Variants in MAP3K19 observed in about 807,000 individuals in gnomAD.
MAP3K19 encodes the protein mitogen-activated protein kinase kinase kinase 19, also known as SPS1/STE20-related protein kinase YSK4.
A neutral mutation model predicts 114.4 loss-of-function variants in MAP3K19; 91 were observed. The observed-to-expected ratio is 0.80, with a 90% confidence interval of 0.67 to 0.95. The LOEUF (loss-of-function observed/expected upper bound fraction) is 0.95, where lower values mean the gene tolerates loss of function less well. Ranked by LOEUF, MAP3K19 falls within the 40% of genes least tolerant of loss-of-function variation. The pLI is 0.00. For missense variants in MAP3K19, 1,471 were observed against 1,573.2 expected, an observed-to-expected ratio of 0.94 and a Z score of 1.10; for synonymous variants, 518 against 530.5, an observed-to-expected ratio of 0.98 and a Z score of 0.32.
At chr2:135,003,846 GC>G (rs1296519275) in intron 6 of MAP3K19, among the ~76,000 whole-genome samples, 1 of 152,170 alleles carries the variant, frequency 6.6e-6, no homozygotes, top group Non-Finnish European at 1.5e-5. Context: ...GAGCCACAGT[GC>G]CCGGTCCATT....
intron 8 of MAP3K19, among the ~76,000 whole-genome samples, chr2:134,997,092 G>C (rs1341469494): frequency 6.6e-6 from 1 of 152,006 alleles, no homozygotes; most frequent in Admixed American, 6.6e-5. Context: ...ACAAAAAAAC[G>C]CTATCAAGAT....
Position 134,981,131 on chromosome 2 carries a change from C to T in MAP3K19, c.3610G>A (p.Asp1204Asn), listed in dbSNP as rs752863370. 10 of 1,614,066 alleles carry T rather than the reference C, an allele frequency of 6.2e-6. No homozygotes were observed. Among genetic ancestry groups the T allele is most frequent in the African/African-American group, 1.3e-5 (1 of 74,946 alleles). Residue 1204 changes from aspartate (D) to asparagine (N), a missense_variant, in exon 12 of 13, where the codon GAC (aspartate) becomes AAC (asparagine). Asp to Asn is a conservative substitution (Grantham distance 23). Coordinates refer to ENST00000392915, the MANE Select transcript of MAP3K19 (RefSeq NM_025052.5). The stretch of plus-strand genomic sequence containing the variant: ...GCCAAACGCCTGGCACAGCCAAAGT[C>T]AATCAGCTTTATTATTCCAGTTGGC... Reference protein sequence around the residue: ...LMPTGIIKLIDFGCARRLAWA... With the variant: ...LMPTGIIKLINFGCARRLAWA...
At position 134,986,205 on chromosome 2, in the gene MAP3K19, A is replaced by G. The variant is rs55950034; in HGVS notation, c.2667T>C (p.Asn889=). 606 of 1,613,784 alleles carry G rather than the reference A, an allele frequency of 3.8e-4. No individual in the cohort carries two copies. The highest frequency in any genetic ancestry group is 4.7e-4 in the Non-Finnish European group (551 of 1,179,948). ...SKVNASRILT[N]DLEFDSVSDH... is the part of the protein sequence containing the mutation. ...CTGAAACACTATCAAACTCTAGATC[A>G]TTAGTTAAAATTCGGCTGGCATTTA... The change falls in exon 10 of 13, where the codon AAT becomes AAC. Residue 889 remains asparagine (N), a synonymous_variant. Transcript: ENST00000392915.
chr2:134,998,707 G>C, intron 8 of MAP3K19, 31 bp downstream of exon 8: 6 of 1,571,082 alleles, frequency 3.8e-6, no homozygotes, highest in Non-Finnish European at 5.2e-6. Flanking sequence ...TGACCAAAAG[G>C]ACTCACTGTG....
chr2:134,988,769 G>A (rs1417423020), intron 9 of MAP3K19, among the ~76,000 whole-genome samples: 1 of 151,904 alleles, frequency 6.6e-6, no homozygotes, highest in Non-Finnish European at 1.5e-5. Flanking sequence ...TTTAAAACCA[G>A]GATTATTATA....
rs962271431 is a variant in MAP3K19 at position 134,986,597 on chromosome 2, C to T, written c.2275G>A (p.Gly759Ser). 7 of 1,614,052 alleles carry T rather than the reference C, an allele frequency of 4.3e-6. No individual in the cohort carries two copies. The South Asian group carries it at 7.7e-5, about 18-fold the overall frequency. The change falls in exon 10 of 13, where the codon GGT becomes AGT. Residue 759 changes from glycine (G) to serine (S), a missense_variant. By Grantham distance (56) the Gly-to-Ser change is moderately conservative (BLOSUM62 0). Coordinates refer to ENST00000392915, the MANE Select transcript of MAP3K19 (RefSeq NM_025052.5). ...CAGTCTGGTTCTGAAATACCATCACCATTTTCAATGTCATGTAGGTTGCTA... is the reference window on the plus strand; with the variant it reads ...CAGTCTGGTTCTGAAATACCATCACTATTTTCAATGTCATGTAGGTTGCTA... The part of the protein sequence containing the change: ...VHSNLHDIEN[G>S]DGISEPDWQI...
Position 135,023,387 on chromosome 2 carries a change from A to C in MAP3K19, c.22+1239T>G, listed in dbSNP as rs546360441. The C allele has an allele frequency of 1.6e-4, 86 of 522,940 alleles. 1 individual carries two copies. Among genetic ancestry groups the C allele is most frequent in the Admixed American group, 1.2e-3 (61 of 49,458 alleles). 32.4% of individuals were successfully genotyped at this position (522,940 alleles called of 1,614,324 possible). Reference sequence around the variant, plus strand: ...CCTCTGCAATTTTCTCACTCTCATCAGTCCCTCAATGACCTCACCCACCAT... The same window carrying C: ...CCTCTGCAATTTTCTCACTCTCATCCGTCCCTCAATGACCTCACCCACCAT... On this transcript the variant is annotated intron_variant, in intron 4 of 12. Coordinates refer to ENST00000392915, the MANE Select transcript of MAP3K19 (RefSeq NM_025052.5).
chr2:135,008,185 C>A (rs948757851), intron 5 of MAP3K19, among the ~76,000 whole-genome samples: 11 of 151,094 alleles, frequency 7.3e-5, no homozygotes, highest in Admixed American at 7.3e-4. Context: ...TGCAGTGGTG[C>A]GACCTCAGCT....
At chr2:135,025,968 T>C (rs1688245919) in intron 3 of MAP3K19, among the ~76,000 whole-genome samples, 1 of 152,238 alleles carries the variant, frequency 6.6e-6, no homozygotes, top group South Asian at 2.1e-4. Context: ...AAGTTGATCA[T>C]GGTCTCTGTC....
At chr2:134,982,294 G>A (rs1448426387) in intron 11 of MAP3K19, among the ~76,000 whole-genome samples, 1 of 144,942 alleles carries the variant, frequency 6.9e-6, no homozygotes, top group African/African-American at 2.6e-5. Flanking sequence ...AATTTTTAAA[G>A]TATTTTTGTG....
In MAP3K19 at chr2:134,973,461, T is replaced by C. The variant is rs112431828; in HGVS notation, c.3920+7360A>G. Reference sequence around the variant, plus strand: ...CTCATGCTCTCTATTGGTTTCTATTTGCATGAACTATCTTTTTCCATCCTT... The same window carrying C: ...CTCATGCTCTCTATTGGTTTCTATTCGCATGAACTATCTTTTTCCATCCTT... On this transcript the variant is annotated intron_variant, in intron 12 of 12. Coordinates refer to ENST00000392915, the MANE Select transcript of MAP3K19 (RefSeq NM_025052.5). Among the ~76,000 whole-genome samples the C allele has an allele frequency of 4.6e-4, 70 of 152,362 alleles. 1 individual carries two copies. The highest frequency in any genetic ancestry group is 1.5e-3 in the African/African-American group (63 of 41,596).
chr2:135,038,901 GT>G (rs1315300307), intron 2 of MAP3K19, among the ~76,000 whole-genome samples: 30 of 151,904 alleles, frequency 2.0e-4, no homozygotes, highest in Non-Finnish European at 4.1e-4. Context: ...GTGTGAGTTT[GT>G]TTTTATAATA....
At chr2:135,022,168 C>T (rs2105372171) in intron 4 of MAP3K19, among the ~76,000 whole-genome samples, 1 of 152,278 alleles carries the variant, frequency 6.6e-6, no homozygotes, top group East Asian at 1.9e-4. Flanking sequence ...CTGATCTGAG[C>T]ACCCACCAAA....
intron 3 of MAP3K19, among the ~76,000 whole-genome samples, chr2:135,026,658 C>A (rs964679867): frequency 6.6e-6 from 1 of 152,050 alleles, no homozygotes; most frequent in South Asian, 2.1e-4. Flanking sequence ...AAAAAAAGTG[C>A]ATTGTTTATC....
At chr2:135,016,438 G>C (rs888435668) in intron 5 of MAP3K19, among the ~76,000 whole-genome samples, 1 of 152,118 alleles carries the variant, frequency 6.6e-6, no homozygotes, top group Non-Finnish European at 1.5e-5. Flanking sequence ...ATATCTAGTA[G>C]TGTAAATCTT....
intron 12 of MAP3K19, among the ~76,000 whole-genome samples, chr2:134,974,856 A>T (rs1015113768): frequency 6.6e-6 from 1 of 152,202 alleles, no homozygotes; most frequent in African/African-American, 2.4e-5. Context: ...TTCATAAGGG[A>T]AGACTCTTTC....
intron 12 of MAP3K19, among the ~76,000 whole-genome samples, chr2:134,966,894 G>A (rs1005979540): frequency 2.6e-5 from 4 of 152,214 alleles, no homozygotes; most frequent in African/African-American, 7.2e-5. Flanking sequence ...TTCAGTGAGT[G>A]TAGGCTAAAG....
chr2:135,033,349 G>C (rs1417112940), intron 2 of MAP3K19, among the ~76,000 whole-genome samples: 8 of 118,758 alleles, frequency 6.7e-5, no homozygotes, highest in Non-Finnish European at 1.3e-4. Context: ...TCCCGGACGG[G>C]GCAGCTGGCC....
chr2:134,982,602 G>A lies in MAP3K19; in HGVS notation c.3222+1074C>T, dbSNP rs531204256. Among the ~76,000 whole-genome samples the A allele has an allele frequency of 4.2e-4, 63 of 151,718 alleles. 1 individual carries two copies. Among genetic ancestry groups the A allele is most frequent in the South Asian group, 3.6e-3 (17 of 4,784 alleles). On this transcript the variant is annotated intron_variant, in intron 11 of 12. Transcript: ENST00000392915. ...TGACCTCAAGTGATCCACCCGCCTC[G>A]GCCTCCCAAAGTTCTGGGATTACAG...
Sources: gnomAD v4.1 joint callset for allele counts (sites outside exome capture counted in the v4.1 genomes callset) on GRCh38, gnomAD v4.1.1 for gene constraint, MANE v1.5 for transcripts, NCBI Gene and HGNC (gene_info 2026-07-23, HGNC 2026-07-21) for gene names.